CREBBP: variants seen among roughly 807,000 people sequenced by gnomAD.
CREBBP encodes the protein CREB binding lysine acetyltransferase.
Under a neutral mutation model 265.0 loss-of-function variants are expected in CREBBP, and 19 were observed. That is an observed-to-expected ratio of 0.07 (90% confidence interval 0.05 to 0.11). The LOEUF is 0.11. CREBBP is among the 10% of genes least tolerant of loss of function. The pLI, the probability that CREBBP is intolerant of heterozygous loss-of-function variation, is 1.00. For synonymous variants in CREBBP, 1,457 were observed against 1,223.7 expected (o/e 1.19, Z -3.98); for missense variants, 2,525 against 3,219.0 (o/e 0.78, Z 5.22).
intron 2 of CREBBP, among the ~76,000 whole-genome samples, chr16:3,829,371 G>A (rs906245473): frequency 2.6e-5 from 4 of 152,106 alleles, no homozygotes; most frequent in Non-Finnish European, 5.9e-5. Flanking sequence ...ATAATGTTAC[G>A]TTCACACCAT....
At chr16:3,866,627 A>G (rs1410611683) in intron 1 of CREBBP, among the ~76,000 whole-genome samples, 3 of 152,160 alleles carry the variant, frequency 2.0e-5, no homozygotes, top group Admixed American at 1.3e-4. Context: ...TTTCACTATG[A>G]AAGTAAATAC....
rs1317506171 is a variant in CREBBP at position 3,769,218 on chromosome 16, T to A, written c.3016A>T (p.Thr1006Ser). 1 of 1,614,064 alleles carries A rather than the reference T, an allele frequency of 6.2e-7. No homozygotes were observed. The highest frequency in any genetic ancestry group is 2.2e-5 in the East Asian group (1 of 44,872). The change falls in exon 15 of 31, where the codon ACT becomes TCT. Residue 1006 changes from threonine (T) to serine (S), a missense_variant. By Grantham distance (58) the Thr-to-Ser change is moderately conservative. This residue lies in a region of CREBBP where 548 missense variants were observed against 533.0 expected (regional missense o/e 1.03). Transcript: ENST00000262367. ...TTGGATTCACCAGGATCGGGCTCAGTGTCCTCTGCTTGGGTCTCCGTCTTC... is the reference window on the plus strand; with the variant it reads ...TTGGATTCACCAGGATCGGGCTCAGAGTCCTCTGCTTGGGTCTCCGTCTTC... Reference protein sequence around the residue: ...EMKTETQAEDTEPDPGESKGE... With the variant: ...EMKTETQAEDSEPDPGESKGE...
intron 3 of CREBBP, among the ~76,000 whole-genome samples, chr16:3,807,370 T>C (rs1239138482): frequency 6.6e-6 from 1 of 152,204 alleles, no homozygotes; most frequent in East Asian, 1.9e-4. Flanking sequence ...CAAATTTAGT[T>C]GGGTACCCCC....
At chr16:3,760,791 C>T (rs2151389307) in intron 16 of CREBBP, among the ~76,000 whole-genome samples, 1 of 152,152 alleles carries the variant, frequency 6.6e-6, no homozygotes, top group South Asian at 2.1e-4. Context: ...CCATCATAGC[C>T]ACTGTAGCTG....
chr16:3,858,169 C>T (rs774782991), intron 1 of CREBBP, among the ~76,000 whole-genome samples: 10 of 152,212 alleles, frequency 6.6e-5, no homozygotes, highest in Non-Finnish European at 1.3e-4. Flanking sequence ...ATCAGCATTT[C>T]ACCTTAAGCA....
At chr16:3,790,916 A>G (rs2053493901) in intron 5 of CREBBP, among the ~76,000 whole-genome samples, 1 of 152,168 alleles carries the variant, frequency 6.6e-6, no homozygotes, top group African/African-American at 2.4e-5. Flanking sequence ...TCCCTGGGCC[A>G]CTCAGAAACA....
intron 2 of CREBBP, among the ~76,000 whole-genome samples, chr16:3,830,113 T>TGGGC (rs1333548400): frequency 1.3e-5 from 2 of 152,034 alleles, no homozygotes; most frequent in African/African-American, 4.8e-5. Flanking sequence ...AAGTTAAGAG[T>TGGGC]GGGCTGGGTG....
intron 1 of CREBBP, among the ~76,000 whole-genome samples, chr16:3,872,980 C>A (rs113343195): frequency 6.6e-6 from 1 of 152,180 alleles, no homozygotes; most frequent in African/African-American, 2.4e-5. Flanking sequence ...GTAAATGAAG[C>A]CTTATTCAGA....
At chr16:3,805,710 A>G (rs2053815507) in intron 3 of CREBBP, among the ~76,000 whole-genome samples, 1 of 152,162 alleles carries the variant, frequency 6.6e-6, no homozygotes, top group Non-Finnish European at 1.5e-5. Context: ...TGAAGTACTA[A>G]AGTGGACATG....
At chr16:3,817,812 G>A (rs1316152062) in intron 2 of CREBBP, among the ~76,000 whole-genome samples, 11 of 152,170 alleles carry the variant, frequency 7.2e-5, no homozygotes, top group Admixed American at 3.3e-4. Context: ...GTCCATGGGG[G>A]CAGGGGAGGG....
At chr16:3,811,581 G>T (rs1038794807) in intron 2 of CREBBP, among the ~76,000 whole-genome samples, 1 of 152,022 alleles carries the variant, frequency 6.6e-6, no homozygotes, top group African/African-American at 2.4e-5. Context: ...AACCTCTACC[G>T]CCTGGGTTCA....
intron 3 of CREBBP, among the ~76,000 whole-genome samples, chr16:3,808,503 G>C (rs1199646812): frequency 6.6e-6 from 1 of 152,234 alleles, no homozygotes; most frequent in African/African-American, 2.4e-5. Flanking sequence ...CAGACCAAAC[G>C]GCTCCAGCCC....
At chr16:3,849,379 G>T (rs1056942428) in intron 2 of CREBBP, among the ~76,000 whole-genome samples, 2 of 722 alleles carry the variant, frequency 2.8e-3, no homozygotes, top group Non-Finnish European at 0.018. Context: ...GCTCTTGGCC[G>T]TGTGTGTGTG....
At chr16:3,758,215 T>C (rs1024236657) in intron 17 of CREBBP, among the ~76,000 whole-genome samples, 167 bp from the exon 18 acceptor site, 3 of 152,154 alleles carry the variant, frequency 2.0e-5, no homozygotes, top group Non-Finnish European at 4.4e-5. Context: ...CTGACGCAAC[T>C]GATTTTACTC....
intron 1 of CREBBP, among the ~76,000 whole-genome samples, chr16:3,862,864 G>A (rs781581881): frequency 3.9e-5 from 6 of 152,080 alleles, no homozygotes; most frequent in Non-Finnish European, 5.9e-5. Flanking sequence ...CTGAAGTTCT[G>A]CTCAGAGTTT....
intron 2 of CREBBP, among the ~76,000 whole-genome samples, chr16:3,848,136 C>G (rs985073238): frequency 4.0e-5 from 6 of 151,086 alleles, no homozygotes; most frequent in African/African-American, 1.2e-4. Flanking sequence ...TGCCACTGCA[C>G]TCCAGACACT....
In CREBBP at chr16:3,791,855, C is replaced by T. The variant is rs192910794; in HGVS notation, c.1330+126G>A. The T allele has an allele frequency of 1.1e-3, 938 of 836,270 alleles. 5 individuals carry two copies. The highest frequency in any genetic ancestry group is 3.5e-3 in the Middle Eastern group (16 of 4,574). The allele number at this position is 836,270 out of a possible 1,614,324, so 51.8% of individuals were successfully genotyped here. On this transcript the variant is annotated intron_variant, in intron 5 of 30. Coordinates refer to ENST00000262367, the MANE Select transcript of CREBBP (RefSeq NM_004380.3). ...GCTTGGCTGTACCTTGGGCTGCTGT[C>T]CGCCCTACCTCACCCTGCACTCCAT... is the stretch of plus-strand genomic sequence containing the variant.
At chr16:3,763,660 C>T (rs1196839610) in intron 16 of CREBBP, among the ~76,000 whole-genome samples, 6 of 152,150 alleles carry the variant, frequency 3.9e-5, no homozygotes, top group Non-Finnish European at 2.9e-5. Flanking sequence ...GACGGGGTTT[C>T]GCCATGTTGG....
chr16:3,767,132 C>T (rs989602203), intron 16 of CREBBP, among the ~76,000 whole-genome samples: 24 of 152,116 alleles, frequency 1.6e-4, no homozygotes, highest in African/African-American at 5.8e-4. Context: ...GGATTCCATC[C>T]AACTTCCACT....
Sources: gnomAD v4.1 joint callset for allele counts (sites outside exome capture counted in the v4.1 genomes callset) on GRCh38, gnomAD v4.1.1 for gene constraint, gnomAD v4.1.1 regional missense constraint, MANE v1.5 for transcripts, NCBI Gene and HGNC (gene_info 2026-07-23, HGNC 2026-07-21) for gene names.